Variants in OR2M2 observed in about 807,000 individuals in gnomAD.
The protein encoded by OR2M2 is olfactory receptor family 2 subfamily M member 2.
For synonymous variants in OR2M2, 168 were observed against 151.7 expected, an observed-to-expected ratio of 1.11 and a Z score of -0.79; for missense variants, 467 against 429.9, an observed-to-expected ratio of 1.09 and a Z score of -0.76.
In OR2M2 at chr1:248,180,726, G is replaced by T. The variant is rs529436953; in HGVS notation, c.741G>T (p.Val247=). The T allele has an allele frequency of 5.6e-6, 9 of 1,613,486 alleles. No individual in the cohort carries two copies. The East Asian group carries it at 2.0e-4, about 36-fold the overall frequency. ...CGACCTGTTCCTCTCACCTCATGGT[G>T]GTGGGAATGTACTATGGAGCAGCTT... is the stretch of plus-strand genomic sequence containing the variant. ...AFTTCSSHLM[V]VGMYYGAALF... The change falls in exon 2 of 2, where the codon GTG becomes GTT. Residue 247 remains valine, a synonymous_variant. Coordinates refer to ENST00000641836, the MANE Select transcript of OR2M2 (RefSeq NM_001004688.2).
At position 248,180,410 on chromosome 1, in the gene OR2M2, G is replaced by C; in HGVS notation, c.425G>C (p.Gly142Ala). The part of the protein sequence containing the change: ...YTNLMNPKIC[G>A]LMATFSWILG... ...AATCTCATGAATCCTAAAATTTGTG[G>C]ACTTATGGCTACCTTCTCCTGGATC... Residue 142 changes from glycine (G) to alanine (A), a missense_variant, in exon 2 of 2, where the codon GGA becomes GCA. Transcript: ENST00000641836. 6.2e-7 allele frequency: 1 copy of C among 1,613,912 alleles called. No homozygotes were observed. The highest frequency in any genetic ancestry group is 1.1e-5 in the South Asian group (1 of 91,070).
chr1:248,174,877 T>A lies in OR2M2; in HGVS notation c.-19+6T>A, dbSNP rs1665842450. On this transcript the variant is annotated splice_donor_region_variant and intron_variant, in intron 1 of 1. Coordinates refer to ENST00000641836, the MANE Select transcript of OR2M2 (RefSeq NM_001004688.2). ...ATTCAGATCAGTACTAAGAGGTAAG[T>A]TAACTAAGCCCAAGCAAGACTGTGT... The A allele has an allele frequency of 6.6e-6, 1 of 152,146 alleles. No homozygotes were observed. The highest frequency in any genetic ancestry group is 1.5e-5 in the Non-Finnish European group (1 of 67,994). 9.4% of individuals were successfully genotyped at this position (152,146 alleles called of 1,614,324 possible). A position where few individuals can be genotyped will look rare whatever the true frequency, so the allele number is the denominator to read the frequency against.
chr1:248,177,526 C>G (rs956162356), intron 1 of OR2M2, among the ~76,000 whole-genome samples: 34 of 152,120 alleles, frequency 2.2e-4, no homozygotes, highest in African/African-American at 7.0e-4. Context: ...CAACAGTTGA[C>G]AAGATCAAGA....
At chr1:248,178,193 C>G (rs1665876748) in intron 1 of OR2M2, among the ~76,000 whole-genome samples, 1 of 152,160 alleles carries the variant, frequency 6.6e-6, no homozygotes, top group Admixed American at 6.5e-5. Flanking sequence ...TCCATCTCCT[C>G]TGCAGATTTC....
In OR2M2 at chr1:248,180,272, G is replaced by A. The variant is rs868746148; in HGVS notation, c.287G>A (p.Gly96Asp). ...LSGSKSISMA[G>D]CVTQIFFYIS... ...GGCAGCAAGTCCATTTCTATGGCTGGTTGTGTCACACAAATTTTCTTCTAT... is the reference window on the plus strand; with the variant it reads ...GGCAGCAAGTCCATTTCTATGGCTGATTGTGTCACACAAATTTTCTTCTAT... Residue 96 changes from glycine to aspartate, a missense_variant, in exon 2 of 2, where the codon GGT (glycine) becomes GAT (aspartate). Gly to Asp is a moderately conservative substitution (Grantham distance 94). Transcript: ENST00000641836. 1 of 1,614,060 alleles carries A rather than the reference G, an allele frequency of 6.2e-7. No homozygotes were observed. Among genetic ancestry groups the A allele is most frequent in the East Asian group, 2.2e-5 (1 of 44,882 alleles).
chr1:248,175,556 A>T lies in OR2M2; in HGVS notation c.-19+685A>T, dbSNP rs189431336. Among the ~76,000 whole-genome samples the T allele has an allele frequency of 5.1e-4, 78 of 152,246 alleles. 1 individual carries two copies. Among genetic ancestry groups the T allele is most frequent in the African/African-American group, 1.8e-3 (74 of 41,562 alleles). On this transcript the variant is annotated intron_variant, in intron 1 of 1. Transcript: ENST00000641836. ...GAAAAAAGCCTGAAATCTGCAATACATCTGGTCCCAAGCATTTCGGATAAG... is the reference window on the plus strand; with the variant it reads ...GAAAAAAGCCTGAAATCTGCAATACTTCTGGTCCCAAGCATTTCGGATAAG...
chr1:248,174,845 A>G lies in OR2M2; in HGVS notation c.-45A>G, dbSNP rs775159931. 6.6e-6 allele frequency: 1 copy of G among 152,182 alleles called. No homozygotes were observed. The highest frequency in any genetic ancestry group is 1.5e-5 in the Non-Finnish European group (1 of 68,010). 9.4% of individuals were successfully genotyped at this position (152,182 alleles called of 1,614,324 possible). ...AGGAACCTAAAATCACATTGAAAAT[A>G]CACACTATTCAGATCAGTACTAAGA... is the stretch of plus-strand genomic sequence containing the variant. On this transcript the variant is annotated 5_prime_UTR_variant, in exon 1 of 2. In the 5' UTR this introduces an upstream ATG that the reference lacks. Coordinates refer to ENST00000641836, the MANE Select transcript of OR2M2 (RefSeq NM_001004688.2).
chr1:248,180,447 A>G lies in OR2M2; in HGVS notation c.462A>G (p.Thr154=), dbSNP rs569569222. The change falls in exon 2 of 2, where the codon ACA becomes ACG. Residue 154 remains threonine, a synonymous_variant. Transcript: ENST00000641836. ...MATFSWILGS[T]DGIIDAVATF... ...CCTTCTCCTGGATCCTGGGCTCTAC[A>G]GATGGAATCATTGATGCTGTAGCCA... 54 of 1,613,882 alleles carry G rather than the reference A, an allele frequency of 3.3e-5. No individual in the cohort carries two copies. The highest frequency in any genetic ancestry group is 2.3e-4 in the Admixed American group (14 of 60,006).
rs375213372 is a variant in OR2M2 at position 248,180,931 on chromosome 1, C to A, written c.946C>A (p.His316Asn). The A allele has an allele frequency of 1.2e-6, 2 of 1,614,028 alleles. No individual in the cohort carries two copies. Among genetic ancestry groups the A allele is most frequent in the South Asian group, 1.1e-5 (1 of 91,068 alleles). The change falls in exon 2 of 2, where the codon CAT becomes AAT. Residue 316 changes from histidine to asparagine, a missense_variant. Physicochemically the swap from His to Asn is moderately conservative, Grantham distance 68. Coordinates refer to ENST00000641836, the MANE Select transcript of OR2M2 (RefSeq NM_001004688.2). ...GGGCAAGTCTGAGAGTGAGTTACCT[C>A]ATAAACTTTATGTTTTGCTGTTTGC... ...GKGKSESELP[H>N]KLYVLLFAKF... is the part of the protein sequence containing the mutation.
At position 248,180,143 on chromosome 1, in the gene OR2M2, C is replaced by A. The variant is rs148032327; in HGVS notation, c.158C>A (p.Thr53Asn). Residue 53 changes from threonine to asparagine, a missense_variant, in exon 2 of 2, where the codon ACC becomes AAC. Transcript: ENST00000641836. The part of the protein sequence containing the change: ...SVMVLLIYLD[T>N]QLHTPMYFLL... ...ATGGTTCTCCTCATCTACCTGGACA[C>A]CCAGCTCCACACCCCCATGTACTTC... The A allele has an allele frequency of 3.1e-6, 5 of 1,613,958 alleles. No homozygotes were observed. The African/African-American group carries it at 5.3e-5, about 17-fold the overall frequency.
At chr1:248,179,067 G>A (rs893646788) in intron 1 of OR2M2, among the ~76,000 whole-genome samples, 16 of 152,168 alleles carry the variant, frequency 1.1e-4, no homozygotes, top group Middle Eastern at 3.4e-3. Flanking sequence ...ATTTCTGAGG[G>A]CTCTAAGAGG....
chr1:248,178,610 C>A (rs1349789711), intron 1 of OR2M2, among the ~76,000 whole-genome samples: 18 of 152,156 alleles, frequency 1.2e-4, no homozygotes, highest in Admixed American at 6.5e-4. Flanking sequence ...TCCTCAGAGT[C>A]TTTGTCAAAT....
At chr1:248,179,053 G>C (rs1397534648) in intron 1 of OR2M2, among the ~76,000 whole-genome samples, 2 of 152,106 alleles carry the variant, frequency 1.3e-5, no homozygotes, top group Non-Finnish European at 2.9e-5. Context: ...CAGCAGTGTT[G>C]GTTATTTCTG....
At position 248,180,018 on chromosome 1, in the gene OR2M2, C is replaced by G. The variant is rs144481353; in HGVS notation, c.33C>G (p.Asp11Glu). 1 of 1,613,732 alleles carries G rather than the reference C, an allele frequency of 6.2e-7. No homozygotes were observed. The highest frequency in any genetic ancestry group is 1.1e-5 in the South Asian group (1 of 91,018). ...GGGAGAATCAGACCTTCAACTCCGACTTCATCCTCCTTGGAATCTTCAATC... is the reference window on the plus strand; with the variant it reads ...GGGAGAATCAGACCTTCAACTCCGAGTTCATCCTCCTTGGAATCTTCAATC... MAWENQTFNS[D>E]FILLGIFNHS... The change falls in exon 2 of 2, where the codon GAC becomes GAG. Residue 11 changes from aspartate to glutamate, a missense_variant. Physicochemically the swap from Asp to Glu is conservative, Grantham distance 45. Transcript: ENST00000641836.
At chr1:248,179,718 A>T (rs1307159894) in intron 1 of OR2M2, among the ~76,000 whole-genome samples, 1 of 152,160 alleles carries the variant, frequency 6.6e-6, no homozygotes, top group Non-Finnish European at 1.5e-5. Context: ...TTTATTAGAT[A>T]TTTTTATTCT....
intron 1 of OR2M2, among the ~76,000 whole-genome samples, chr1:248,176,670 A>G (rs1197201147): frequency 6.6e-6 from 1 of 152,144 alleles, no homozygotes; most frequent in Non-Finnish European, 1.5e-5. Flanking sequence ...TTTGTTTGGC[A>G]ATGAATAGTC....
Position 248,180,273 on chromosome 1 carries a change from T to A in OR2M2, c.288T>A (p.Gly96=), listed in dbSNP as rs768992900. Residue 96 remains glycine (G), a synonymous_variant, in exon 2 of 2, where the codon GGT becomes GGA. Coordinates refer to ENST00000641836, the MANE Select transcript of OR2M2 (RefSeq NM_001004688.2). ...LSGSKSISMA[G]CVTQIFFYIS... Reference sequence around the variant, plus strand: ...GCAGCAAGTCCATTTCTATGGCTGGTTGTGTCACACAAATTTTCTTCTATA... The same window carrying A: ...GCAGCAAGTCCATTTCTATGGCTGGATGTGTCACACAAATTTTCTTCTATA... The A allele has an allele frequency of 6.2e-7, 1 of 1,613,906 alleles. No individual in the cohort carries two copies. Among genetic ancestry groups the A allele is most frequent in the Non-Finnish European group, 8.5e-7 (1 of 1,179,934 alleles).
intron 1 of OR2M2, among the ~76,000 whole-genome samples, chr1:248,175,102 A>AT: frequency 6.6e-6 from 1 of 152,238 alleles, no homozygotes; most frequent in Admixed American, 6.5e-5. Context: ...AAAATCCATT[A>AT]TTTTTGTTTT....
intron 1 of OR2M2, among the ~76,000 whole-genome samples, chr1:248,176,522 G>T (rs191011674): frequency 6.6e-6 from 1 of 152,022 alleles, no homozygotes; most frequent in Admixed American, 6.5e-5. Context: ...AATGTTGTAC[G>T]TCATTATGTG....
Sources: gnomAD v4.1 joint callset for allele counts (sites outside exome capture counted in the v4.1 genomes callset) on GRCh38, gnomAD v4.1.1 for gene constraint, MANE v1.5 for transcripts, NCBI Gene and HGNC (gene_info 2026-07-23, HGNC 2026-07-21) for gene names.